The following TC2N variants were observed in gnomAD, a reference collection of about 807,000 sequenced individuals.
TC2N encodes the protein tandem C2 domains, nuclear.
TC2N carries 51 observed loss-of-function variants against 61.9 expected under a neutral mutation model. That is an observed-to-expected ratio of 0.82 (90% CI 0.66 to 1.04). The LOEUF (loss-of-function observed/expected upper bound fraction) is 1.04. Among genes scored for constraint, TC2N ranks in the 50% least tolerant of loss-of-function variants. The pLI is 0.00. For synonymous variants in TC2N, 204 were observed against 192.6 expected, an observed-to-expected ratio of 1.06 and a Z score of -0.49; for missense variants, 556 against 566.7, an observed-to-expected ratio of 0.98 and a Z score of 0.19.
chr14:91,811,249 TTAATAATGGATA>T (rs1400022566), intron 3 of TC2N, among the ~76,000 whole-genome samples: 1 of 128,984 alleles, frequency 7.8e-6, no homozygotes, highest in Non-Finnish European at 1.6e-5. Flanking sequence ...AAAAAGTGGA[TTAATAATGGATA>T]GAAGAATGGA....
chr14:91,791,717 TTTC>T (rs1885663832), intron 9 of TC2N, among the ~76,000 whole-genome samples: 2 of 152,148 alleles, frequency 1.3e-5, no homozygotes. Flanking sequence ...TTTATGATTC[TTTC>T]TTGTTTTTCC....
chr14:91,848,542 A>C (rs1265010818), intron 1 of TC2N, among the ~76,000 whole-genome samples: 1 of 152,214 alleles, frequency 6.6e-6, no homozygotes, highest in African/African-American at 2.4e-5. Flanking sequence ...AAAATGCACT[A>C]TCCAACTTCT....
chr14:91,781,891 T>C lies in TC2N; in HGVS notation c.*1209A>G, dbSNP rs1033053412. On this transcript the variant is annotated 3_prime_UTR_variant, in exon 12 of 12. Coordinates refer to ENST00000435962, the MANE Select transcript of TC2N (RefSeq NM_001128596.3). ...GAATAAAGAAGGCATGCTTAGGTTA[T>C]AGCAAGGTATACTCCTGGCCTAAAA... 2.6e-5 allele frequency: 4 copies of C among 152,070 alleles called. No homozygotes were observed. The highest frequency in any genetic ancestry group is 6.6e-5 in the Admixed American group (1 of 15,262). The allele number at this position is 152,070 out of a possible 1,614,324, so 9.4% of individuals were successfully genotyped here. A position where few individuals can be genotyped will look rare whatever the true frequency, so the allele number is the denominator to read the frequency against.
intron 2 of TC2N, among the ~76,000 whole-genome samples, chr14:91,813,348 A>G (rs897859613): frequency 2.6e-5 from 4 of 151,710 alleles, no homozygotes; most frequent in African/African-American, 4.8e-5. Flanking sequence ...TTGTCTCCCA[A>G]ACATACTTCT....
At chr14:91,796,258 A>C (rs529658660) in intron 8 of TC2N, among the ~76,000 whole-genome samples, 1 of 152,192 alleles carries the variant, frequency 6.6e-6, no homozygotes, top group Admixed American at 6.5e-5. Context: ...ACATATATAC[A>C]TATACACATA....
chr14:91,792,286 G>A, intron 9 of TC2N, 81 bp downstream of exon 9: 1 of 806,360 alleles, frequency 1.2e-6, no homozygotes. Context: ...TTCTATTCAG[G>A]CTATTCTCTA....
In TC2N at chr14:91,782,994, T is replaced by A. The variant is rs1595214947; in HGVS notation, c.*106A>T. The A allele has an allele frequency of 2.8e-6, 2 of 706,216 alleles. No individual in the cohort carries two copies. Among genetic ancestry groups the A allele is most frequent in the Non-Finnish European group, 2.5e-6 (1 of 402,846 alleles). 43.7% of individuals were successfully genotyped at this position (706,216 alleles called of 1,614,324 possible). A position where few individuals can be genotyped will look rare whatever the true frequency, so the allele number is the denominator to read the frequency against. ...TTATATACCATAATTATAGCCCCCA[T>A]AAATTGACAAATTTGTTGATTTGCC... On this transcript the variant is annotated 3_prime_UTR_variant, in exon 12 of 12. Transcript: ENST00000435962.
intron 8 of TC2N, among the ~76,000 whole-genome samples, chr14:91,796,101 T>C (rs1237018853): frequency 1.3e-5 from 2 of 152,080 alleles, no homozygotes; most frequent in African/African-American, 4.8e-5. Flanking sequence ...TAAGTTAAAT[T>C]AGCTTTATTT....
chr14:91,799,963 T>C (rs908950063), intron 5 of TC2N, among the ~76,000 whole-genome samples: 7 of 152,132 alleles, frequency 4.6e-5, no homozygotes, highest in African/African-American at 1.7e-4. Context: ...TAGCTGGTTA[T>C]ATTCAGTAAG....
intron 1 of TC2N, among the ~76,000 whole-genome samples, chr14:91,819,734 C>T (rs780088121): frequency 6.6e-6 from 1 of 151,854 alleles, no homozygotes; most frequent in Non-Finnish European, 1.5e-5. Context: ...ATATGTAAAA[C>T]TAAAATGTAT....
At chr14:91,787,746 C>T in intron 9 of TC2N, 119 bp from the exon 10 acceptor site, 1 of 600,974 alleles carries the variant, frequency 1.7e-6, no homozygotes, top group East Asian at 2.9e-5. Flanking sequence ...AAATGATATT[C>T]AAAACTATAA....
chr14:91,786,906 G>A (rs76117682), intron 10 of TC2N, among the ~76,000 whole-genome samples: 2,427 of 152,166 alleles, frequency 0.016, 30 homozygotes, highest in Non-Finnish European at 0.025. Flanking sequence ...TGGGTTTGTT[G>A]TTTTTCTAGC....
Position 91,844,493 on chromosome 14 carries a change from G to A in TC2N, c.-57+22769C>T, listed in dbSNP as rs144912381. On this transcript the variant is annotated intron_variant, in intron 1 of 11. Coordinates refer to ENST00000435962, the MANE Select transcript of TC2N (RefSeq NM_001128596.3). ...AAAACCATCTTATGGGCCCAACGTG[G>A]TGGCTCACGCCTGTCATCTCAGCAC... Among the ~76,000 whole-genome samples, 1,032 of 152,262 alleles carry A rather than the reference G, an allele frequency of 6.8e-3. 7 individuals carry two copies. Among genetic ancestry groups the A allele is most frequent in the Non-Finnish European group, 9.6e-3 (655 of 68,018 alleles).
At chr14:91,785,094 A>T (rs1234250254) in intron 11 of TC2N, 68 bp downstream of exon 11, 2 of 1,081,206 alleles carry the variant, frequency 1.8e-6, no homozygotes, top group East Asian at 4.7e-5. Context: ...ATTATCCTGT[A>T]TTCCCTTTGT....
intron 1 of TC2N, among the ~76,000 whole-genome samples, chr14:91,824,071 T>G (rs543820338): frequency 1.3e-5 from 2 of 152,224 alleles, no homozygotes; most frequent in African/African-American, 4.8e-5. Flanking sequence ...ATCTGATTCA[T>G]GCTAGGCACT....
chr14:91,789,589 C>T (rs1429387321), intron 9 of TC2N, among the ~76,000 whole-genome samples: 4 of 147,534 alleles, frequency 2.7e-5, no homozygotes, highest in South Asian at 2.1e-4. Context: ...CCAGCCTGGG[C>T]GACAGAGAGA....
chr14:91,809,384 G>A, intron 3 of TC2N, among the ~76,000 whole-genome samples: 1 of 151,818 alleles, frequency 6.6e-6, no homozygotes, highest in African/African-American at 2.4e-5. Context: ...CTCCAGCCTG[G>A]GCAACAGAGT....
intron 1 of TC2N, among the ~76,000 whole-genome samples, chr14:91,817,805 G>T (rs948687288): frequency 6.6e-6 from 1 of 152,014 alleles, no homozygotes; most frequent in African/African-American, 2.4e-5. Flanking sequence ...GATGGAGGAA[G>T]GTAGTAGAAA....
At chr14:91,827,862 G>C (rs1887568108) in intron 1 of TC2N, among the ~76,000 whole-genome samples, 1 of 152,182 alleles carries the variant, frequency 6.6e-6, no homozygotes, top group African/African-American at 2.4e-5. Flanking sequence ...ACTATTAAAA[G>C]ACTTTTAGCT....
Sources: allele counts gnomAD v4.1 joint callset (sites outside exome capture counted in the v4.1 genomes callset), GRCh38; gene constraint gnomAD v4.1.1; transcripts MANE v1.5; gene names NCBI Gene and HGNC (gene_info 2026-07-23, HGNC 2026-07-21).